CC2D2A: variants seen among roughly 807,000 people sequenced by gnomAD.
CC2D2A encodes the protein coiled-coil and C2 domain-containing protein 2A.
CC2D2A carries 155 observed loss-of-function variants against 212.9 expected under a neutral mutation model. The ratio of observed to expected loss-of-function variants is 0.73; its 90% confidence interval spans 0.64 to 0.83. The LOEUF is 0.83. Among genes scored for constraint, CC2D2A ranks in the 40% least tolerant of loss-of-function variants. The probability of loss-of-function intolerance (pLI) is 0.00; values close to 1 mark genes in which losing one functional copy is unlikely to be tolerated. For missense variants in CC2D2A, 1,856 were observed against 1,956.2 expected, an observed-to-expected ratio of 0.95 and a Z score of 0.97; for synonymous variants, 667 against 686.5, an observed-to-expected ratio of 0.97 and a Z score of 0.44.
At position 15,542,385 on chromosome 4, in the gene CC2D2A, C is replaced by T. The variant is rs1577361944; in HGVS notation, c.2181+1371C>T. Among the ~76,000 whole-genome samples, 4 of 152,250 alleles carry T rather than the reference C, an allele frequency of 2.6e-5. No homozygotes were observed. The South Asian group carries it at 8.3e-4, about 32-fold the overall frequency. On this transcript the variant is annotated intron_variant, in intron 17 of 36. Transcript: ENST00000424120. The stretch of plus-strand genomic sequence containing the variant: ...CATGCATGCCCTTGTTTCCCCACCA[C>T]CACCCAGGCAGAAATCACAGATCCT...
chr4:15,547,419 T>C (rs1560176403), intron 17 of CC2D2A, among the ~76,000 whole-genome samples: 2 of 152,224 alleles, frequency 1.3e-5, no homozygotes, highest in Non-Finnish European at 2.9e-5. Flanking sequence ...CTTCTAACTA[T>C]ATTTCTATAC....
In CC2D2A at chr4:15,567,429, GCTTCCC is replaced by G; in HGVS notation, c.3237_3242del (p.Pro1081_Ser1082del). Reference sequence around the variant, plus strand: ...AAGGATGTTCAGTGAAAAGCATGCTGCTTCCCCAAGCACGTACAGCCCAACCCACAA... The same window carrying G: ...AAGGATGTTCAGTGAAAAGCATGCTGCAAGCACGTACAGCCCAACCCACAA... On this transcript the variant is annotated inframe_deletion, in exon 25 of 37. Transcript: ENST00000424120. 1.2e-6 allele frequency: 2 copies of G among 1,613,538 alleles called. No homozygotes were observed. The highest frequency in any genetic ancestry group is 2.2e-5 in the South Asian group (2 of 90,986).
intron 1 of CC2D2A, among the ~76,000 whole-genome samples, chr4:15,475,709 A>G (rs1286841290): frequency 6.6e-6 from 1 of 152,170 alleles, no homozygotes; most frequent in African/African-American, 2.4e-5. Context: ...GCAGGCTCCC[A>G]GGGACAGGGA....
intron 4 of CC2D2A, chr4:15,482,334 T>G: frequency 4.1e-6 from 4 of 971,118 alleles, no homozygotes; most frequent in Non-Finnish European, 4.9e-6. Flanking sequence ...AACTTGTCAT[T>G]TCAGGCTGCC....
intron 16 of CC2D2A, among the ~76,000 whole-genome samples, chr4:15,539,922 TA>T (rs1718333488): frequency 2.0e-5 from 3 of 152,160 alleles, no homozygotes; most frequent in African/African-American, 7.2e-5. Flanking sequence ...TGTAAAAAGT[TA>T]AAACTACCAC....
intron 11 of CC2D2A, among the ~76,000 whole-genome samples, chr4:15,517,625 AT>A (rs1716959952): frequency 6.6e-6 from 1 of 152,186 alleles, no homozygotes; most frequent in Non-Finnish European, 1.5e-5. Context: ...GAATGAGGTA[AT>A]CCACATAAGT....
intron 20 of CC2D2A, among the ~76,000 whole-genome samples, chr4:15,555,969 C>A (rs1331228314): frequency 6.6e-6 from 1 of 152,162 alleles, no homozygotes; most frequent in Admixed American, 6.5e-5. Flanking sequence ...CAACTTAAAG[C>A]ACTGATGGGG....
Position 15,580,162 on chromosome 4 carries a change from G to A in CC2D2A, c.3966G>A (p.Gln1322=), listed in dbSNP as rs753566072. 1 of 1,612,306 alleles carries A rather than the reference G, an allele frequency of 6.2e-7. No individual in the cohort carries two copies. The highest frequency in any genetic ancestry group is 2.2e-5 in the East Asian group (1 of 44,854). The stretch of plus-strand genomic sequence containing the variant: ...TTAATGTCTACCCCAATAATCTACA[G>A]GCAACTGCAGTAAGTATTTCATAGT... ...ELLNVYPNNL[Q]ATAELVARYV... is the part of the protein sequence containing the mutation. Residue 1322 remains glutamine (Q), a synonymous_variant, in exon 30 of 37, where the codon CAG becomes CAA. Transcript: ENST00000424120.
intron 22 of CC2D2A, 95 bp downstream of exon 22, chr4:15,559,352 T>C: frequency 1.3e-6 from 1 of 746,764 alleles, no homozygotes; most frequent in Non-Finnish European, 2.2e-6. Context: ...CTATGTGAGC[T>C]TATGCAAGCC....
At chr4:15,583,767 G>T (rs1720747180) in intron 30 of CC2D2A, among the ~76,000 whole-genome samples, 1 of 151,992 alleles carries the variant, frequency 6.6e-6, no homozygotes, top group Non-Finnish European at 1.5e-5. Flanking sequence ...GGCTAATATG[G>T]TGTAACCCCG....
chr4:15,575,345 C>CT (rs1278950696), intron 29 of CC2D2A, among the ~76,000 whole-genome samples: 1 of 152,176 alleles, frequency 6.6e-6, no homozygotes, highest in African/African-American at 2.4e-5. Context: ...ACATGTCTGT[C>CT]TGACTCTAAA....
intron 28 of CC2D2A, among the ~76,000 whole-genome samples, chr4:15,571,453 T>C (rs1720159574): frequency 6.6e-6 from 1 of 152,140 alleles, no homozygotes. Flanking sequence ...TTTGAATCAC[T>C]GTAATGTCCA....
rs1197953378 is a variant in CC2D2A at position 15,601,381 on chromosome 4, T to C, written c.4819T>C (p.Leu1607=). 1.3e-5 allele frequency: 20 copies of C among 1,578,416 alleles called. No homozygotes were observed. The highest frequency in any genetic ancestry group is 1.7e-5 in the Non-Finnish European group (20 of 1,159,162). ...CATACACCCATACCCCAAAAATGTT[T>C]TGTCTGTTTGGATCTATGTTGCCTC... ...VYIHPYPKNV[L]SVWIYVASLI... The change falls in exon 37 of 37, where the codon TTG becomes CTG. Residue 1607 remains leucine (L), a synonymous_variant. Coordinates refer to ENST00000424120, the MANE Select transcript of CC2D2A (RefSeq NM_001378615.1).
At chr4:15,552,867 C>T (rs1259002160) in intron 18 of CC2D2A, among the ~76,000 whole-genome samples, 1 of 152,246 alleles carries the variant, frequency 6.6e-6, no homozygotes, top group East Asian at 1.9e-4. Flanking sequence ...ACATTAAAAA[C>T]TATGGCTCAG....
In CC2D2A at chr4:15,589,603, G is replaced by A. The variant is rs146843542; in HGVS notation, c.4238G>A (p.Cys1413Tyr). The change falls in exon 33 of 37, where the codon TGC becomes TAC. Residue 1413 changes from cysteine (C) to tyrosine (Y), a missense_variant. Cys to Tyr is a radical substitution (Grantham distance 194). Coordinates refer to ENST00000424120, the MANE Select transcript of CC2D2A (RefSeq NM_001378615.1). ...GGTCGTTATTTAATATGGAATCCCT[G>A]CAGTGGACATTTTTATGGACAATTT... is the stretch of plus-strand genomic sequence containing the variant. Reference protein sequence around the residue: ...EQGRYLIWNPCSGHFYGQFDT... With the variant: ...EQGRYLIWNPYSGHFYGQFDT... The A allele has an allele frequency of 9.8e-5, 158 of 1,612,646 alleles. 1 individual carries two copies. In the East Asian group the frequency reaches 3.0e-3, roughly 31 times the overall value.
intron 36 of CC2D2A, among the ~76,000 whole-genome samples, chr4:15,599,924 AC>A (rs1367751914): frequency 1.3e-5 from 2 of 152,228 alleles, no homozygotes; most frequent in African/African-American, 4.8e-5. Flanking sequence ...CATGAAAAAT[AC>A]CTTTTATGAA....
At chr4:15,502,387 C>G in intron 4 of CC2D2A, 42 bp from the exon 5 acceptor site, 1 of 1,259,650 alleles carries the variant, frequency 7.9e-7, no homozygotes, top group Non-Finnish European at 1.1e-6. Context: ...TTTTCTTTTT[C>G]TTTTTTTTTT....
intron 17 of CC2D2A, among the ~76,000 whole-genome samples, chr4:15,543,280 T>C (rs955677473): frequency 1.3e-5 from 2 of 152,252 alleles, no homozygotes; most frequent in South Asian, 2.1e-4. Context: ...CTCATATAAC[T>C]CTTTAAAGTG....
At chr4:15,555,482 T>C (rs1259099811) in intron 20 of CC2D2A, among the ~76,000 whole-genome samples, 1 of 152,206 alleles carries the variant, frequency 6.6e-6, no homozygotes, top group Non-Finnish European at 1.5e-5. Context: ...CTCATGCCTG[T>C]AATTCCAGCA....
Sources: allele counts gnomAD v4.1 joint callset (sites outside exome capture counted in the v4.1 genomes callset), GRCh38; gene constraint gnomAD v4.1.1; transcripts MANE v1.5; gene names NCBI Gene and HGNC (gene_info 2026-07-23, HGNC 2026-07-21).